ANKRD30B: variants seen among roughly 807,000 people sequenced by gnomAD.
ANKRD30B encodes ankyrin repeat domain 30B.
In ANKRD30B, 144 loss-of-function variants were observed where a neutral mutation model predicts 202.2. The observed-to-expected ratio is 0.71, with a 90% CI of 0.62 to 0.82. The LOEUF (loss-of-function observed/expected upper bound fraction) is 0.82, where lower values mean the gene tolerates loss of function less well. Among genes scored for constraint, ANKRD30B ranks in the 40% least tolerant of loss-of-function variants. ANKRD30B has a pLI of 0.00. For synonymous variants in ANKRD30B, 508 were observed against 561.3 expected (o/e 0.91, Z 1.34); for missense variants, 1,487 against 1,669.1 (o/e 0.89, Z 1.90).
the ANKRD30B span, among the ~76,000 whole-genome samples, chr18:14,913,275 C>A: frequency 2.0e-5 from 3 of 152,190 alleles, no homozygotes; most frequent in African/African-American, 7.2e-5. Context: ...AAGTGCCATG[C>A]TGACAACCAT....
intron 24 of ANKRD30B, among the ~76,000 whole-genome samples, chr18:14,806,171 G>C (rs1230379529): frequency 6.8e-6 from 1 of 147,610 alleles, no homozygotes; most frequent in Non-Finnish European, 1.5e-5. Context: ...AGTCAGCCCA[G>C]ATCTCAACAC....
chr18:14,856,345 G>T (rs1598729916), downstream of ANKRD30B, among the ~76,000 whole-genome samples: 1 of 122,392 alleles, frequency 8.2e-6, no homozygotes. Context: ...CCTCCCAGAT[G>T]GGGCAGCCGG....
intron 30 of ANKRD30B, among the ~76,000 whole-genome samples, chr18:14,819,713 T>C (rs1970310001): frequency 6.6e-6 from 1 of 152,128 alleles, no homozygotes; most frequent in Admixed American, 6.5e-5. Context: ...TTCTGTTCCA[T>C]TGATCTATAT....
the ANKRD30B span, among the ~76,000 whole-genome samples, chr18:14,897,998 T>C: frequency 1.3e-5 from 2 of 152,204 alleles, no homozygotes; most frequent in Non-Finnish European, 2.9e-5. Flanking sequence ...ACACTTCTTC[T>C]TCTATTCCTA....
chr18:14,877,723 G>A, the ANKRD30B span: 911 of 152,252 alleles, frequency 6.0e-3, 5 homozygotes, highest in Non-Finnish European at 9.2e-3. Flanking sequence ...TTTCTACTGC[G>A]AAACAATCTG....
the ANKRD30B span, among the ~76,000 whole-genome samples, chr18:14,940,157 T>C: frequency 6.6e-6 from 1 of 152,190 alleles, no homozygotes; most frequent in Non-Finnish European, 1.5e-5. Flanking sequence ...GGATCTAATG[T>C]TATGAAGCCC....
chr18:14,885,818 G>A, the ANKRD30B span, among the ~76,000 whole-genome samples: 1 of 151,788 alleles, frequency 6.6e-6, no homozygotes, highest in Non-Finnish European at 1.5e-5. Flanking sequence ...TATGGCTTAT[G>A]TCAAAATGTT....
In ANKRD30B at chr18:14,797,870, T is replaced by G; in HGVS notation, c.2029+16T>G. ...CTCAAAGCAGGTACATTTTGTAATT[T>G]AAATTTTAATCTGGAATTAAGAATA... On this transcript the variant is annotated intron_variant, in intron 20 of 43. Transcript: ENST00000690538. 1 of 1,532,852 alleles carries G rather than the reference T, an allele frequency of 6.5e-7. No individual in the cohort carries two copies. The highest frequency in any genetic ancestry group is 1.4e-5 in the African/African-American group (1 of 72,292). The allele number at this position is 1,532,852 out of a possible 1,614,324, so 95.0% of individuals were successfully genotyped here.
the ANKRD30B span, among the ~76,000 whole-genome samples, chr18:14,933,704 G>T: frequency 6.6e-6 from 1 of 150,688 alleles, no homozygotes; most frequent in Non-Finnish European, 1.5e-5. Flanking sequence ...AAGGGGTTAG[G>T]GACTGGCATT....
chr18:14,817,090 C>T (rs1316058620), intron 30 of ANKRD30B: 8 of 152,108 alleles, frequency 5.3e-5, no homozygotes, highest in Non-Finnish European at 1.2e-4. Flanking sequence ...ATAAAGAAAA[C>T]ATTTCTGACT....
downstream of ANKRD30B, among the ~76,000 whole-genome samples, chr18:14,855,611 T>C (rs939757940): frequency 6.7e-6 from 1 of 149,120 alleles, no homozygotes; most frequent in African/African-American, 2.5e-5. Flanking sequence ...GAAGAGGCAC[T>C]CCTCACCTAC....
chr18:14,880,518 G>A, the ANKRD30B span, among the ~76,000 whole-genome samples: 4 of 150,994 alleles, frequency 2.6e-5, no homozygotes, highest in African/African-American at 9.7e-5. Flanking sequence ...AGAGCATGGG[G>A]ATGCGTTTCC....
rs530453703 is a variant in ANKRD30B, at chr18:14,788,813, G to T, written c.1734+1713G>T. Reference sequence around the variant, plus strand: ...CTATCATTGTTGGACATTTGGGTTGGTTCCAAGTCTTTGCTATTGTGAATA... The same window carrying T: ...CTATCATTGTTGGACATTTGGGTTGTTTCCAAGTCTTTGCTATTGTGAATA... On this transcript the variant is annotated intron_variant, in intron 15 of 43. Transcript: ENST00000690538. Among the ~76,000 whole-genome samples, 96 of 152,038 alleles carry T rather than the reference G, an allele frequency of 6.3e-4. 1 individual carries two copies. In the South Asian group the frequency reaches 0.015, roughly 23 times the overall value.
intron 6 of ANKRD30B, among the ~76,000 whole-genome samples, chr18:14,762,720 C>T (rs868352200): frequency 3.2e-4 from 48 of 151,802 alleles, no homozygotes; most frequent in East Asian, 1.4e-3. Flanking sequence ...ATTACAAAAA[C>T]TTTTCACAAT....
intron 37 of ANKRD30B, among the ~76,000 whole-genome samples, chr18:14,842,409 C>G (rs1253629106): frequency 2.0e-5 from 3 of 152,120 alleles, no homozygotes; most frequent in African/African-American, 4.8e-5. Flanking sequence ...GATGAGATGT[C>G]AGTTCTGCAT....
chr18:14,831,900 T>C (rs1322955057), intron 34 of ANKRD30B, among the ~76,000 whole-genome samples: 1 of 152,228 alleles, frequency 6.6e-6, no homozygotes, highest in African/African-American at 2.4e-5. Context: ...CAGTTACTTA[T>C]TACAGTAATC....
chr18:14,841,277 A>G (rs1399458201), intron 37 of ANKRD30B, among the ~76,000 whole-genome samples: 1 of 152,218 alleles, frequency 6.6e-6, no homozygotes, highest in Non-Finnish European at 1.5e-5. Flanking sequence ...TTCACACTTT[A>G]GAAAATCAGC....
At chr18:14,782,661 C>A in intron 12 of ANKRD30B, 47 bp downstream of exon 12, 3 of 1,277,762 alleles carry the variant, frequency 2.3e-6, no homozygotes, top group South Asian at 1.5e-5. Flanking sequence ...ATATGTTTGT[C>A]TAAACGCATG....
intron 9 of ANKRD30B, among the ~76,000 whole-genome samples, chr18:14,776,262 A>T (rs964505027): frequency 6.6e-6 from 1 of 152,234 alleles, no homozygotes; most frequent in African/African-American, 2.4e-5. Context: ...AATATCCAAG[A>T]TGAGGGATTA....
Sources: gnomAD v4.1 joint callset for allele counts (sites outside exome capture counted in the v4.1 genomes callset) on GRCh38, gnomAD v4.1.1 for gene constraint, MANE v1.5 for transcripts, NCBI Gene and HGNC (gene_info 2026-07-23, HGNC 2026-07-21) for gene names.